The following HGFAC variants were observed in gnomAD, a reference collection of about 807,000 sequenced individuals.
HGFAC encodes the protein hepatocyte growth factor activator serine protease.
HGFAC carries 76 observed loss-of-function variants against 70.6 expected under a neutral mutation model. That is an observed-to-expected ratio of 1.08 (90% CI 0.89 to 1.30). The LOEUF is 1.30. HGFAC is among the 50% of genes most tolerant of loss of function. The probability of loss-of-function intolerance (pLI) is 0.00; values close to 1 mark genes in which losing one functional copy is unlikely to be tolerated. For missense variants in HGFAC, 1,044 were observed against 933.7 expected (o/e 1.12, Z -1.54); for synonymous variants, 464 against 405.3 (o/e 1.14, Z -1.74).
In HGFAC at chr4:3,444,976, C is replaced by G; in HGVS notation, c.999C>G (p.Gly333=). The change falls in exon 8 of 14, where the codon GGC becomes GGG. Residue 333 remains glycine, a synonymous_variant. Coordinates refer to ENST00000382774, the MANE Select transcript of HGFAC (RefSeq NM_001528.4). ...GCGCCGCGGCCCTGCTGGGCCTGGG[C>G]CCCCATGCCTACTGCCGGTCAGCAC... ...SVGAAALLGL[G]PHAYCRNPDN... is the part of the protein sequence containing the mutation. The G allele has an allele frequency of 6.3e-7, 1 of 1,596,214 alleles. No individual in the cohort carries two copies. Among genetic ancestry groups the G allele is most frequent in the East Asian group, 2.2e-5 (1 of 44,636 alleles).
At chr4:3,441,949 C>A, upstream of HGFAC, 2 of 1,063,888 alleles carry the variant, frequency 1.9e-6, no homozygotes, top group Non-Finnish European at 2.6e-6. The surrounding 1 kb of genome is among the most constrained non-coding windows in gnomAD (Gnocchi z 6.0). Flanking sequence ...ACCCCACCTG[C>A]CTTGGCCGCT....
chr4:3,447,366 C>T, intron 10 of HGFAC, 126 bp from the exon 11 acceptor site: 2 of 1,059,590 alleles, frequency 1.9e-6, no homozygotes, highest in Admixed American at 2.0e-5. Flanking sequence ...GGCACCTGCT[C>T]AGACCCCTCC....
chr4:3,448,382 A>G, intron 13 of HGFAC, 106 bp downstream of exon 13: 1 of 1,364,596 alleles, frequency 7.3e-7, no homozygotes, highest in Non-Finnish European at 9.9e-7. Context: ...CGGCACCCCA[A>G]CCTGGCAGGG....
chr4:3,449,394 C>T lies in HGFAC; in HGVS notation c.1943C>T (p.Pro648Leu). 1 of 1,569,420 alleles carries T rather than the reference C, an allele frequency of 6.4e-7. No homozygotes were observed. ...TGGATCAACGACCGGATACGGCCTCCCAGGCGGCTTGTGGCTCCCTCCTGA... is the reference window on the plus strand; with the variant it reads ...TGGATCAACGACCGGATACGGCCTCTCAGGCGGCTTGTGGCTCCCTCCTGA... ...VDWINDRIRPPRRLVAPS is the reference protein window; with the variant it reads ...VDWINDRIRPLRRLVAPS The change falls in exon 14 of 14, where the codon CCC (proline) becomes CTC (leucine). Residue 648 changes from proline to leucine, a missense_variant. Transcript: ENST00000382774.
chr4:3,449,332 G>C lies in HGFAC; in HGVS notation c.1881G>C (p.Lys627Asn). ...GTGACGGCTGCGGGCGGCTCCACAA[G>C]CCGGGGGTCTACACCCGCGTGGCCA... Reference protein sequence around the residue: ...SWGDGCGRLHKPGVYTRVANY... With the variant: ...SWGDGCGRLHNPGVYTRVANY... The change falls in exon 14 of 14, where the codon AAG becomes AAC. Residue 627 changes from lysine (K) to asparagine (N), a missense_variant. Lys to Asn is a moderately conservative substitution (Grantham distance 94, BLOSUM62 0). Transcript: ENST00000382774. 6.2e-7 allele frequency: 1 copy of C among 1,612,012 alleles called. No homozygotes were observed. The highest frequency in any genetic ancestry group is 1.7e-4 in the Middle Eastern group (1 of 6,052).
intron 4 of HGFAC, 81 bp downstream of exon 4, chr4:3,443,501 C>A: frequency 1.1e-6 from 1 of 884,758 alleles, no homozygotes; most frequent in African/African-American, 1.8e-5. Context: ...ATGGGGCGGA[C>A]CCGGGCAGGG....
rs753698415 is a variant in HGFAC at position 3,448,201 on chromosome 4, T to C, written c.1710T>C (p.Pro570=). The C allele has an allele frequency of 2.5e-6, 4 of 1,606,752 alleles. No homozygotes were observed. The highest frequency in any genetic ancestry group is 2.5e-6 in the Non-Finnish European group (3 of 1,178,090). The change falls in exon 13 of 14, where the codon CCT becomes CCC. Residue 570 remains proline, a synonymous_variant. Coordinates refer to ENST00000382774, the MANE Select transcript of HGFAC (RefSeq NM_001528.4). ...TCGCCGACCACAAGTGCAGCAGCCC[T>C]GAGGTCTACGGCGCCGACATCAGCC... The part of the protein sequence containing the change: ...PLVADHKCSS[P]EVYGADISPN...
chr4:3,441,982 C>G lies in HGFAC; in HGVS notation c.-20C>G. ...GCTCTGCTCCCGCCTCCCACTGCCC[C>G]TCAGGCCAGCTCAGGAGCCATGGGG... is the stretch of plus-strand genomic sequence containing the variant. On this transcript the variant is annotated 5_prime_UTR_variant, in exon 1 of 14. Coordinates refer to ENST00000382774, the MANE Select transcript of HGFAC (RefSeq NM_001528.4). This position sits in a 1 kb window ranked among gnomAD's most constrained non-coding sequence, Gnocchi z 6.0. The G allele has an allele frequency of 1.4e-6, 2 of 1,416,890 alleles. No homozygotes were observed. The highest frequency in any genetic ancestry group is 1.4e-5 in the South Asian group (1 of 69,066). The allele number at this position is 1,416,890 out of a possible 1,614,324, so 87.8% of individuals were successfully genotyped here.
Position 3,444,872 on chromosome 4 carries a change from A to G in HGFAC, c.895A>G (p.Ser299Gly), listed in dbSNP as rs768217793. The G allele has an allele frequency of 1.2e-5, 20 of 1,607,274 alleles. No homozygotes were observed. The highest frequency in any genetic ancestry group is 1.7e-5 in the Non-Finnish European group (20 of 1,177,720). ...CGGCACTGGGTACCGTGGCGTGGCC[A>G]GCACCTCAGCCTCGGGCCTCAGCTG... Reference protein sequence around the residue: ...GNGTGYRGVASTSASGLSCLA... With the variant: ...GNGTGYRGVAGTSASGLSCLA... The change falls in exon 8 of 14, where the codon AGC becomes GGC. Residue 299 changes from serine to glycine, a missense_variant. By Grantham distance (56) the Ser-to-Gly change is moderately conservative. Coordinates refer to ENST00000382774, the MANE Select transcript of HGFAC (RefSeq NM_001528.4).
chr4:3,448,215 C>T lies in HGFAC; in HGVS notation c.1724C>T (p.Ala575Val). The change falls in exon 13 of 14, where the codon GCC becomes GTC. Residue 575 changes from alanine (A) to valine (V), a missense_variant. Physicochemically the swap from Ala to Val is moderately conservative, Grantham distance 64. Transcript: ENST00000382774. ...HKCSSPEVYG[A>V]DISPNMLCAG... The stretch of plus-strand genomic sequence containing the variant: ...TGCAGCAGCCCTGAGGTCTACGGCG[C>T]CGACATCAGCCCCAACATGCTCTGT... The T allele has an allele frequency of 6.2e-7, 1 of 1,608,102 alleles. No homozygotes were observed. Among genetic ancestry groups the T allele is most frequent in the Admixed American group, 1.7e-5 (1 of 59,780 alleles).
chr4:3,444,414 G>A lies in HGFAC; in HGVS notation c.702G>A (p.Arg234=). The stretch of plus-strand genomic sequence containing the variant: ...AACAGTGCGAGTGCTTCGGGGGCCG[G>A]ACCTGGTGCGAAGGCACCCGACATA... The part of the protein sequence containing the change: ...HVEQCECFGG[R]TWCEGTRHTA... The change falls in exon 6 of 14, where the codon CGG becomes CGA. Residue 234 remains arginine (R), a synonymous_variant. Coordinates refer to ENST00000382774, the MANE Select transcript of HGFAC (RefSeq NM_001528.4). 1 of 1,602,536 alleles carries A rather than the reference G, an allele frequency of 6.2e-7. No homozygotes were observed. The highest frequency in any genetic ancestry group is 1.3e-5 in the African/African-American group (1 of 74,944).
In HGFAC at chr4:3,442,802, TGACCTCTGA is replaced by T. The variant is rs756254708; in HGVS notation, c.193_201del (p.Ser65_Thr67del). Reference sequence around the variant, plus strand: ...ATCCCCACTATCCTGGTGACCTCTGTGACCTCTGAGACCCCAGCAACAAGTGCTCCAGAG... The same window carrying T: ...ATCCCCACTATCCTGGTGACCTCTGTGACCCCAGCAACAAGTGCTCCAGAG... On this transcript the variant is annotated inframe_deletion, in exon 2 of 14. Transcript: ENST00000382774. 6.9e-6 allele frequency: 11 copies of T among 1,586,534 alleles called. No homozygotes were observed. The East Asian group carries it at 2.5e-4, about 36-fold the overall frequency.
chr4:3,448,216 C>A lies in HGFAC; in HGVS notation c.1725C>A (p.Ala575=). The A allele has an allele frequency of 6.2e-7, 1 of 1,608,126 alleles. No individual in the cohort carries two copies. ...GCAGCAGCCCTGAGGTCTACGGCGCCGACATCAGCCCCAACATGCTCTGTG... is the reference window on the plus strand; with the variant it reads ...GCAGCAGCCCTGAGGTCTACGGCGCAGACATCAGCCCCAACATGCTCTGTG... The part of the protein sequence containing the change: ...HKCSSPEVYG[A]DISPNMLCAG... The change falls in exon 13 of 14, where the codon GCC becomes GCA. Residue 575 remains alanine, a synonymous_variant. Transcript: ENST00000382774.
intron 1 of HGFAC, among the ~76,000 whole-genome samples, chr4:3,442,351 C>T (rs1269204949): frequency 3.3e-5 from 5 of 152,302 alleles, no homozygotes; most frequent in East Asian, 1.9e-4. Context: ...CATCCCTGTG[C>T]GGCCTGGCCT....
Position 3,444,352 on chromosome 4 carries a change from G to T in HGFAC, c.640G>T (p.Gly214Cys), listed in dbSNP as rs41264743. 21,592 of 1,599,180 alleles carry T rather than the reference G, an allele frequency of 0.014. 228 individuals are homozygous for T. The highest frequency in any genetic ancestry group is 0.016 in the Non-Finnish European group (19,049 of 1,174,070). The change falls in exon 6 of 14, where the codon GGC (glycine) becomes TGC (cysteine). Residue 214 changes from glycine to cysteine, a missense_variant. By Grantham distance (159) the Gly-to-Cys change is radical. Transcript: ENST00000382774. ...GACCCGCTACGAGTACCTGGAGGGG[G>T]GCGACCGCTGGGCCCGCGTGCGCCA... is the stretch of plus-strand genomic sequence containing the variant. ...DETRYEYLEG[G>C]DRWARVRQGH...
In HGFAC at chr4:3,442,042, C is replaced by T. The variant is rs150750289; in HGVS notation, c.41C>T (p.Pro14Leu). The T allele has an allele frequency of 0.02, 29,830 of 1,529,578 alleles. 363 individuals carry two copies. The highest frequency in any genetic ancestry group is 0.023 in the Non-Finnish European group (26,993 of 1,154,914). 94.8% of individuals were successfully genotyped at this position (1,529,578 alleles called of 1,614,324 possible). A position where few individuals can be genotyped will look rare whatever the true frequency, so the allele number is the denominator to read the frequency against. ...WAWVPSPWPPPGLGPFLLLLL... is the reference protein window; with the variant it reads ...WAWVPSPWPPLGLGPFLLLLL... ...TGGGTCCCCAGCCCCTGGCCCCCAC[C>T]GGGGCTGGGCCCCTTCCTCCTCCTC... is the stretch of plus-strand genomic sequence containing the variant. The change falls in exon 1 of 14, where the codon CCG (proline) becomes CTG (leucine). Residue 14 changes from proline to leucine, a missense_variant. By Grantham distance (98) the Pro-to-Leu change is moderately conservative (BLOSUM62 -3). Coordinates refer to ENST00000382774, the MANE Select transcript of HGFAC (RefSeq NM_001528.4).
In HGFAC at chr4:3,444,020, C is replaced by T; in HGVS notation, c.476-19C>T. ...AGCCTCCCAGTCCGCCCCTCACACC[C>T]CCTCCCGCATGTCCCCAGCTGCCCT... is the stretch of plus-strand genomic sequence containing the variant. On this transcript the variant is annotated intron_variant, in intron 4 of 13. Coordinates refer to ENST00000382774, the MANE Select transcript of HGFAC (RefSeq NM_001528.4). The T allele has an allele frequency of 6.4e-7, 1 of 1,563,802 alleles. No individual in the cohort carries two copies. The highest frequency in any genetic ancestry group is 1.7e-4 in the Middle Eastern group (1 of 5,812).
At chr4:3,442,204 A>T (rs13108218) in intron 1 of HGFAC, 86 bp downstream of exon 1, 2 of 1,025,282 alleles carry the variant, frequency 2.0e-6, no homozygotes, top group Admixed American at 5.3e-5. Flanking sequence ...GAGGGTCGCC[A>T]CAGAGCGTGG....
chr4:3,445,174 A>G, intron 8 of HGFAC, 91 bp from the exon 9 acceptor site: 8 of 1,330,890 alleles, frequency 6.0e-6, no homozygotes, highest in Non-Finnish European at 8.4e-6. Context: ...AGGTGCGGGG[A>G]ACCGCCCTGC....
Sources: gnomAD v4.1 joint callset for allele counts (sites outside exome capture counted in the v4.1 genomes callset) on GRCh38, gnomAD v4.1.1 for gene constraint, Gnocchi (gnomAD v3.1) non-coding constraint, MANE v1.5 for transcripts, NCBI Gene and HGNC (gene_info 2026-07-23, HGNC 2026-07-21) for gene names.